The following DAB1 variants were observed in gnomAD, a reference collection of about 807,000 sequenced individuals.
DAB1 encodes DAB adaptor protein 1.
A neutral mutation model predicts 64.6 loss-of-function variants in DAB1; 15 were observed. The ratio of observed to expected loss-of-function variants is 0.23; its 90% CI spans 0.16 to 0.36. The LOEUF (loss-of-function observed/expected upper bound fraction) is 0.36. Ranked by LOEUF, DAB1 falls within the 10% of genes least tolerant of loss-of-function variation. The probability of loss-of-function intolerance (pLI) is 1.00; values close to 1 mark genes in which losing one functional copy is unlikely to be tolerated. For synonymous variants in DAB1, 235 were observed against 251.9 expected (o/e 0.93, Z 0.64); for missense variants, 596 against 706.7 (o/e 0.84, Z 1.78).
At chr1:57,976,245 C>T (rs1645916883) in intron 5 of DAB1, among the ~76,000 whole-genome samples, 1 of 152,164 alleles carries the variant, frequency 6.6e-6, no homozygotes, top group Non-Finnish European at 1.5e-5. Context: ...CTCAGGCTAC[C>T]TCACATGATA....
intron 2 of DAB1, among the ~76,000 whole-genome samples, chr1:57,249,407 A>C (rs1304144847): frequency 6.6e-6 from 1 of 152,086 alleles, no homozygotes; most frequent in Non-Finnish European, 1.5e-5. Flanking sequence ...GTCTCACTCC[A>C]TCACCCAGGC....
At chr1:57,335,491 T>C (rs1157687620) in intron 1 of DAB1, among the ~76,000 whole-genome samples, 1 of 152,186 alleles carries the variant, frequency 6.6e-6, no homozygotes, top group Admixed American at 6.5e-5. Flanking sequence ...CCCCTTTCAT[T>C]GTCCTTAGAT....
chr1:58,285,909 C>T (rs1158343138), intron 4 of DAB1, among the ~76,000 whole-genome samples: 1 of 152,172 alleles, frequency 6.6e-6, no homozygotes, highest in Non-Finnish European at 1.5e-5. Context: ...TACCTGACTT[C>T]AAACTACACT....
chr1:57,789,864 G>T (rs932674951), intron 6 of DAB1, among the ~76,000 whole-genome samples: 3 of 152,190 alleles, frequency 2.0e-5, no homozygotes, highest in African/African-American at 7.2e-5. Flanking sequence ...AAGATTTCTT[G>T]TCAGGAAAGG....
intron 1 of DAB1, among the ~76,000 whole-genome samples, chr1:57,398,616 T>A (rs1170217699): frequency 6.6e-6 from 1 of 152,238 alleles, no homozygotes; most frequent in Non-Finnish European, 1.5e-5. Flanking sequence ...CATCTTTTGA[T>A]TTGGGAGTTA....
intron 7 of DAB1, among the ~76,000 whole-genome samples, chr1:57,439,436 T>TTTTG (rs1558381591): frequency 2.2e-5 from 3 of 136,032 alleles, no homozygotes; most frequent in South Asian, 2.6e-4. Context: ...TTTTTTTTTT[T>TTTTG]TTTTTTTTTT....
At chr1:57,625,621 A>C (rs1645913384) in intron 7 of DAB1, among the ~76,000 whole-genome samples, 1 of 152,218 alleles carries the variant, frequency 6.6e-6, no homozygotes, top group African/African-American at 2.4e-5. Flanking sequence ...AAGGATGAGA[A>C]AAAGGTGTCC....
intron 2 of DAB1, among the ~76,000 whole-genome samples, chr1:57,274,960 T>G (rs1671344749): frequency 6.6e-6 from 1 of 152,044 alleles, no homozygotes; most frequent in Non-Finnish European, 1.5e-5. Context: ...GTTTCCTCTT[T>G]AAGAGGCAAG....
intron 6 of DAB1, among the ~76,000 whole-genome samples, chr1:57,713,156 T>A (rs1188064414): frequency 2.6e-5 from 4 of 152,188 alleles, no homozygotes; most frequent in African/African-American, 9.7e-5. Flanking sequence ...ATGAATTTAT[T>A]ACTTACTCTT....
chr1:57,569,334 A>AC (rs1259705791), intron 7 of DAB1, among the ~76,000 whole-genome samples: 2 of 151,724 alleles, frequency 1.3e-5, no homozygotes, highest in Non-Finnish European at 2.9e-5. Flanking sequence ...CTTGGAACCA[A>AC]CCCAAATGTC....
intron 7 of DAB1, among the ~76,000 whole-genome samples, chr1:57,429,203 G>A (rs12116685): frequency 0.033 from 5,046 of 152,074 alleles, 88 homozygotes; most frequent in South Asian, 0.05. Flanking sequence ...GTGATCTCTC[G>A]TTATGGTTTT....
chr1:57,918,565 C>T (rs999747428), intron 5 of DAB1, among the ~76,000 whole-genome samples: 7 of 152,188 alleles, frequency 4.6e-5, no homozygotes, highest in Non-Finnish European at 8.8e-5. Context: ...TGGCTCACAC[C>T]TGTAATCCCA....
intron 7 of DAB1, among the ~76,000 whole-genome samples, chr1:57,479,796 C>T (rs1270389543): frequency 2.0e-5 from 3 of 152,120 alleles, no homozygotes; most frequent in African/African-American, 7.2e-5. Flanking sequence ...GCATGGCAGA[C>T]CCAGTGAAGC....
chr1:58,306,710 G>C (rs938616134), intron 4 of DAB1, among the ~76,000 whole-genome samples: 23 of 152,184 alleles, frequency 1.5e-4, no homozygotes, highest in Admixed American at 1.3e-4. Context: ...TCTAGAGACT[G>C]TTTGGAGGCA....
chr1:57,601,175 A>G (rs892538509), intron 7 of DAB1, among the ~76,000 whole-genome samples: 1 of 152,126 alleles, frequency 6.6e-6, no homozygotes, highest in Non-Finnish European at 1.5e-5. Flanking sequence ...TAGGGTCTCT[A>G]TACTTCCCGA....
chr1:57,717,940 G>GAC (rs1647104206), intron 6 of DAB1, among the ~76,000 whole-genome samples: 2 of 151,970 alleles, frequency 1.3e-5, no homozygotes, highest in South Asian at 4.2e-4. Flanking sequence ...TATAGAAGTA[G>GAC]AGTAGAATAG....
chr1:57,606,765 A>C (rs1175781560), intron 7 of DAB1, among the ~76,000 whole-genome samples: 1 of 102,390 alleles, frequency 9.8e-6, no homozygotes, highest in Non-Finnish European at 1.8e-5. Context: ...TCTATATATT[A>C]TATATAAATA....
intron 5 of DAB1, among the ~76,000 whole-genome samples, chr1:58,068,862 T>C (rs1649042923): frequency 6.6e-6 from 1 of 151,816 alleles, no homozygotes; most frequent in South Asian, 2.1e-4. Flanking sequence ...TGAGTGGGAA[T>C]GAAGAAAGGC....
At chr1:57,194,949 C>T (rs183408718) in intron 2 of DAB1, among the ~76,000 whole-genome samples, 21 of 152,248 alleles carry the variant, frequency 1.4e-4, no homozygotes, top group Non-Finnish European at 2.2e-4. Context: ...ATCCACATGC[C>T]CATTTTATAT....
Sources: allele counts gnomAD v4.1 joint callset (sites outside exome capture counted in the v4.1 genomes callset), GRCh38; gene constraint gnomAD v4.1.1; transcripts MANE v1.5; gene names NCBI Gene and HGNC (gene_info 2026-07-23, HGNC 2026-07-21).